The following HNF4G variants were observed in gnomAD, a reference collection of about 807,000 sequenced individuals.
HNF4G encodes hepatocyte nuclear factor 4-gamma.
In HNF4G, 21 loss-of-function variants were observed where a neutral mutation model predicts 50.9. That is an observed-to-expected ratio of 0.41 (90% CI 0.29 to 0.59). The LOEUF (loss-of-function observed/expected upper bound fraction) is 0.59. Among genes scored for constraint, HNF4G ranks in the 20% least tolerant of loss-of-function variants. The pLI is 0.26. For synonymous variants in HNF4G, 198 were observed against 185.6 expected (o/e 1.07, Z -0.54); for missense variants, 527 against 559.4 (o/e 0.94, Z 0.58).
intron 1 of HNF4G, among the ~76,000 whole-genome samples, chr8:75,429,634 T>C (rs1011912074): frequency 3.9e-5 from 6 of 152,294 alleles, no homozygotes; most frequent in Admixed American, 3.9e-4. Flanking sequence ...CCAGGATTAG[T>C]GAAGATCATG....
intron 2 of HNF4G, among the ~76,000 whole-genome samples, chr8:75,545,005 G>A (rs193148994): frequency 3.6e-4 from 55 of 152,066 alleles, no homozygotes; most frequent in African/African-American, 1.1e-3. Context: ...ATAGTTTGAA[G>A]CAGGTTAAGA....
intron 1 of HNF4G, among the ~76,000 whole-genome samples, chr8:75,410,215 T>G (rs1477675074): frequency 6.6e-6 from 1 of 152,232 alleles, no homozygotes. Flanking sequence ...TGAATATTTA[T>G]TCTGAGAAGA....
At chr8:75,490,872 C>T (rs150622837) in intron 2 of HNF4G, among the ~76,000 whole-genome samples, 19 of 152,250 alleles carry the variant, frequency 1.2e-4, no homozygotes, top group Admixed American at 3.3e-4. Flanking sequence ...CAATAGAAAA[C>T]GTCTTCGCTT....
intron 2 of HNF4G, among the ~76,000 whole-genome samples, chr8:75,500,549 A>G (rs1812900482): frequency 6.6e-6 from 1 of 152,214 alleles, no homozygotes; most frequent in Admixed American, 6.5e-5. Context: ...ATACATGTTC[A>G]TATGAAAAAA....
At chr8:75,430,946 T>A (rs987109569) in intron 1 of HNF4G, among the ~76,000 whole-genome samples, 4 of 152,128 alleles carry the variant, frequency 2.6e-5, no homozygotes, top group African/African-American at 4.8e-5. Context: ...TTACATATAA[T>A]GTTCAAAATA....
chr8:75,533,512 G>A (rs1457939211), intron 2 of HNF4G, among the ~76,000 whole-genome samples: 2 of 151,856 alleles, frequency 1.3e-5, no homozygotes, highest in Non-Finnish European at 2.9e-5. Flanking sequence ...AGTGATAATA[G>A]ATTGTGTTAC....
chr8:75,420,792 C>A (rs1349816714), intron 1 of HNF4G, among the ~76,000 whole-genome samples: 1 of 152,106 alleles, frequency 6.6e-6, no homozygotes, highest in Non-Finnish European at 1.5e-5. Context: ...GAAGGCCAGG[C>A]AGCAAGAGGA....
At chr8:75,510,815 A>G (rs1316819079) in intron 2 of HNF4G, among the ~76,000 whole-genome samples, 1 of 151,990 alleles carries the variant, frequency 6.6e-6, no homozygotes, top group African/African-American at 2.4e-5. Flanking sequence ...CTGTGTGTGT[A>G]TATATATATG....
chr8:75,470,613 A>G (rs1267704471), intron 1 of HNF4G, among the ~76,000 whole-genome samples: 7 of 152,206 alleles, frequency 4.6e-5, no homozygotes, highest in Non-Finnish European at 1.0e-4. Context: ...GTCCGAAATA[A>G]TTCAGTGAAC....
chr8:75,521,614 A>T (rs1806043603), intron 2 of HNF4G, among the ~76,000 whole-genome samples: 1 of 152,158 alleles, frequency 6.6e-6, no homozygotes, highest in Non-Finnish European at 1.5e-5. Context: ...AGCCAGTTGA[A>T]GCTATGATCC....
In HNF4G at chr8:75,466,619, T is replaced by TCGC. The variant is rs1563517631; in HGVS notation, c.-143-23469_-143-23468insGCC. On this transcript the variant is annotated intron_variant, in intron 1 of 10. Transcript: ENST00000354370. ...TTCCTTCCTTCCTTCCTTCCTTCCTTCCTTCCTTCCTTCCTTCTCCCTTCC... is the reference window on the plus strand; with the variant it reads ...TTCCTTCCTTCCTTCCTTCCTTCCTTCGCCCTTCCTTCCTTCCTTCTCCCTTCC... Among the ~76,000 whole-genome samples the TCGC allele has an allele frequency of 1.5e-4, 16 of 107,146 alleles. 1 individual carries two copies. Among genetic ancestry groups the TCGC allele is most frequent in the South Asian group, 6.9e-4 (2 of 2,886 alleles). 70.3% of individuals were successfully genotyped at this position (107,146 alleles called of 152,430 possible). A position where few individuals can be genotyped will look rare whatever the true frequency, so the allele number is the denominator to read the frequency against.
chr8:75,522,915 A>G (rs575892130), intron 2 of HNF4G, among the ~76,000 whole-genome samples: 1 of 152,240 alleles, frequency 6.6e-6, no homozygotes, highest in Non-Finnish European at 1.5e-5. Context: ...AAAGAAACAA[A>G]GCCTTTGCAA....
chr8:75,553,272 A>G lies in HNF4G; in HGVS notation c.645+75A>G. 7.3e-6 allele frequency: 9 copies of G among 1,241,030 alleles called. No homozygotes were observed. The South Asian group carries it at 1.1e-4, about 15-fold the overall frequency. The allele number at this position is 1,241,030 out of a possible 1,614,324, so 76.9% of individuals were successfully genotyped here. A position where few individuals can be genotyped will look rare whatever the true frequency, so the allele number is the denominator to read the frequency against. ...GCTAAGTTTATGTTCTTTCCATATT[A>G]TTTGTAATGCATATTCTATATTACT... On this transcript the variant is annotated intron_variant, in intron 5 of 9. Transcript: ENST00000396423.
chr8:75,429,979 G>A (rs539690103), intron 1 of HNF4G, among the ~76,000 whole-genome samples: 34 of 151,908 alleles, frequency 2.2e-4, no homozygotes, highest in African/African-American at 7.7e-4. Context: ...GTGAAACCTC[G>A]TCTCTACTAA....
At chr8:75,435,084 G>C (rs1811105399) in intron 1 of HNF4G, among the ~76,000 whole-genome samples, 2 of 152,100 alleles carry the variant, frequency 1.3e-5, no homozygotes, top group African/African-American at 4.8e-5. Flanking sequence ...GTGTAATTTT[G>C]ATATCAAACC....
chr8:75,450,453 G>A (rs980474146), intron 1 of HNF4G, among the ~76,000 whole-genome samples: 8 of 152,062 alleles, frequency 5.3e-5, no homozygotes, highest in Non-Finnish European at 1.0e-4. Flanking sequence ...ATAGATACAC[G>A]GTAGTCAGAT....
At chr8:75,449,660 C>T (rs559241488) in intron 1 of HNF4G, among the ~76,000 whole-genome samples, 2 of 151,920 alleles carry the variant, frequency 1.3e-5, no homozygotes, top group East Asian at 1.9e-4. Context: ...GCTCCCGCCA[C>T]CACGCCAGGC....
chr8:75,442,258 CTACTT>C (rs1370192002), intron 1 of HNF4G, among the ~76,000 whole-genome samples: 18 of 152,176 alleles, frequency 1.2e-4, no homozygotes, highest in Admixed American at 4.6e-4. Flanking sequence ...TGTTCATTCT[CTACTT>C]TATAGCCTGG....
intron 2 of HNF4G, among the ~76,000 whole-genome samples, chr8:75,507,308 G>A (rs1450585436): frequency 6.8e-6 from 1 of 147,920 alleles, no homozygotes; most frequent in African/African-American, 2.5e-5. Context: ...CGCCCAGGCT[G>A]GAGTGCAGCG....
Sources: gnomAD v4.1 joint callset for allele counts (sites outside exome capture counted in the v4.1 genomes callset) on GRCh38, gnomAD v4.1.1 for gene constraint, MANE v1.5 for transcripts, NCBI Gene and HGNC (gene_info 2026-07-23, HGNC 2026-07-21) for gene names.